The following INVS variants were observed in gnomAD, a reference collection of about 807,000 sequenced individuals.
The protein encoded by INVS is inversion of embryo turning homolog.
INVS carries 86 observed loss-of-function variants against 108.8 expected under a neutral mutation model. That is an observed-to-expected ratio of 0.79 (90% CI 0.66 to 0.95). The LOEUF is 0.95. Among genes scored for constraint, INVS ranks in the 40% least tolerant of loss-of-function variants. The probability of loss-of-function intolerance (pLI) is 0.00; values close to 1 mark genes in which losing one functional copy is unlikely to be tolerated. For missense variants in INVS, 1,169 were observed against 1,297.4 expected, an observed-to-expected ratio of 0.90 and a Z score of 1.52; for synonymous variants, 455 against 473.5, an observed-to-expected ratio of 0.96 and a Z score of 0.51.
intron 8 of INVS, 69 bp from the exon 9 acceptor site, chr9:100,252,214 G>C (rs1832258121): frequency 7.0e-7 from 1 of 1,435,460 alleles, no homozygotes; most frequent in Non-Finnish European, 9.8e-7. Flanking sequence ...GAGAGGAAAA[G>C]ACATATAATA....
intron 3 of INVS, among the ~76,000 whole-genome samples, chr9:100,204,349 T>TA (rs1830616944): frequency 6.6e-6 from 1 of 152,208 alleles, no homozygotes; most frequent in African/African-American, 2.4e-5. Context: ...TAATTGCTAT[T>TA]AAAAAAGCAT....
At chr9:100,241,987 C>T (rs543954432) in intron 6 of INVS, among the ~76,000 whole-genome samples, 26 of 152,278 alleles carry the variant, frequency 1.7e-4, no homozygotes, top group Admixed American at 5.2e-4. Context: ...TTGTCTTCAT[C>T]GCTGCCTTAT....
At chr9:100,204,658 A>C (rs984331651) in intron 3 of INVS, among the ~76,000 whole-genome samples, 5 of 152,114 alleles carry the variant, frequency 3.3e-5, no homozygotes, top group Middle Eastern at 3.4e-3. Flanking sequence ...GGTGATCACA[A>C]AAAAAAAGAT....
chr9:100,191,608 G>A (rs1185592638), intron 3 of INVS, among the ~76,000 whole-genome samples: 1 of 151,988 alleles, frequency 6.6e-6, no homozygotes, highest in African/African-American at 2.4e-5. Context: ...ACTTCACTAT[G>A]TTGGTTTTCA....
intron 1 of INVS, among the ~76,000 whole-genome samples, chr9:100,100,936 TA>T (rs1281517064): frequency 1.6e-3 from 57 of 35,230 alleles, no homozygotes; most frequent in Middle Eastern, 0.017. Context: ...ATAATATATA[TA>T]ATATATATAC....
intron 3 of INVS, among the ~76,000 whole-genome samples, chr9:100,204,182 T>C (rs564800397): frequency 2.0e-5 from 3 of 152,120 alleles, no homozygotes; most frequent in Non-Finnish European, 4.4e-5. Flanking sequence ...ACTAAATAAT[T>C]GTTTGGTAAA....
At chr9:100,247,600 T>C (rs976294142) in intron 8 of INVS, among the ~76,000 whole-genome samples, 1 of 152,064 alleles carries the variant, frequency 6.6e-6, no homozygotes, top group Non-Finnish European at 1.5e-5. Flanking sequence ...TTATCCTGAA[T>C]AAGATTTTTC....
chr9:100,258,901 A>G (rs1310409000), intron 10 of INVS, among the ~76,000 whole-genome samples: 1 of 152,144 alleles, frequency 6.6e-6, no homozygotes, highest in Non-Finnish European at 1.5e-5. Context: ...CCATTCTCAG[A>G]TCTCAAACTC....
chr9:100,218,882 G>C (rs1166412727), intron 3 of INVS, among the ~76,000 whole-genome samples: 1 of 152,146 alleles, frequency 6.6e-6, no homozygotes, highest in East Asian at 1.9e-4. Flanking sequence ...GGCTCCAGGA[G>C]ATCTGTGTAG....
At chr9:100,250,204 C>G (rs181299310) in intron 8 of INVS, among the ~76,000 whole-genome samples, 117 of 152,220 alleles carry the variant, frequency 7.7e-4, no homozygotes, top group African/African-American at 2.5e-3. Flanking sequence ...AAAAATATAA[C>G]TTTATATTAT....
intron 3 of INVS, among the ~76,000 whole-genome samples, chr9:100,195,603 T>G (rs1830350036): frequency 6.6e-6 from 1 of 152,172 alleles, no homozygotes; most frequent in East Asian, 1.9e-4. Flanking sequence ...TTCTCCTGGC[T>G]CAGCCTCCTG....
chr9:100,122,586 T>TTC (rs1827757401), intron 2 of INVS, among the ~76,000 whole-genome samples: 1 of 130,034 alleles, frequency 7.7e-6, no homozygotes, highest in Admixed American at 7.6e-5. Context: ...CTTTTTTTTT[T>TTC]TTTTTTTTTT....
intron 3 of INVS, among the ~76,000 whole-genome samples, chr9:100,200,262 T>C (rs1830497546): frequency 1.3e-5 from 2 of 152,226 alleles, no homozygotes; most frequent in Admixed American, 6.5e-5. Flanking sequence ...GTGTGCTAAT[T>C]CCAACATCTG....
At position 100,290,719 on chromosome 9, in the gene INVS, A is replaced by G. The variant is rs1393170500; in HGVS notation, c.2069-1607A>G. Among the ~76,000 whole-genome samples the G allele has an allele frequency of 2.0e-5, 3 of 150,076 alleles. No homozygotes were observed. The East Asian group carries it at 6.0e-4, about 30-fold the overall frequency. ...GCTCTTTTGCACTTAAGAGTATTTT[A>G]TTTTACATTATTGAGACATAGTCTC... is the stretch of plus-strand genomic sequence containing the variant. On this transcript the variant is annotated intron_variant, in intron 13 of 16. Transcript: ENST00000262457.
At chr9:100,116,098 CTTTTTTTTCT>C (rs760595621) in intron 2 of INVS, among the ~76,000 whole-genome samples, 23 of 111,354 alleles carry the variant, frequency 2.1e-4, no homozygotes, top group South Asian at 3.5e-4. Context: ...TCTTTTCTTT[CTTTTTTTTCT>C]TTTTTTTTTT....
At chr9:100,109,445 A>G (rs1827273566) in intron 2 of INVS, among the ~76,000 whole-genome samples, 1 of 152,240 alleles carries the variant, frequency 6.6e-6, no homozygotes, top group Non-Finnish European at 1.5e-5. Flanking sequence ...TAAATGCAAC[A>G]AAGATTAATA....
intron 3 of INVS, among the ~76,000 whole-genome samples, chr9:100,142,215 T>G (rs1033230468): frequency 1.3e-5 from 2 of 152,172 alleles, no homozygotes; most frequent in Admixed American, 1.3e-4. Context: ...GTGAGGAAAC[T>G]TCTTGCATGG....
chr9:100,126,432 T>A lies in INVS; in HGVS notation c.156T>A (p.Leu52=). 6.2e-7 allele frequency: 1 copy of A among 1,614,066 alleles called. No individual in the cohort carries two copies. Among genetic ancestry groups the A allele is most frequent in the East Asian group, 2.2e-5 (1 of 44,870 alleles). The part of the protein sequence containing the change: ...DKEDQFGRTP[L]MYCVLADRLD... ...AAGATCAGTTTGGGAGAACACCACT[T>A]ATGTATTGCGTGTTGGCTGACAGAT... Residue 52 remains leucine, a synonymous_variant, in exon 3 of 17, where the codon CTT becomes CTA. Coordinates refer to ENST00000262457, the MANE Select transcript of INVS (RefSeq NM_014425.5).
rs377557497 is a variant in INVS at position 100,292,508 on chromosome 9, G to T, written c.2251G>T (p.Ala751Ser). ...GAAGCAGCCCTCCTGTATCAGGGTG[G>T]CTGGGCCTGATGAGAAAGGAGAGGA... ...FVKQPSCIRV[A>S]GPDEKGEDSR... Residue 751 changes from alanine (A) to serine (S), a missense_variant, in exon 14 of 17, where the codon GCT becomes TCT. Around this residue, in one of 3 missense-constraint regions of INVS, gnomAD observed 533 missense variants for 536.0 expected, o/e 0.99. Transcript: ENST00000262457. 1.2e-6 allele frequency: 2 copies of T among 1,614,046 alleles called. No homozygotes were observed. Among genetic ancestry groups the T allele is most frequent in the African/African-American group, 2.7e-5 (2 of 74,908 alleles).
Sources: gnomAD v4.1 joint callset for allele counts (sites outside exome capture counted in the v4.1 genomes callset) on GRCh38, gnomAD v4.1.1 for gene constraint, gnomAD v4.1.1 regional missense constraint, MANE v1.5 for transcripts, NCBI Gene and HGNC (gene_info 2026-07-23, HGNC 2026-07-21) for gene names.